C2orf15: variants seen among roughly 807,000 people sequenced by gnomAD.
The protein encoded by C2orf15 is uncharacterized protein C2orf15.
A neutral mutation model predicts 4.4 loss-of-function variants in C2orf15; 3 were observed. That is an observed-to-expected ratio of 0.67 (90% CI 0.31 to 1.74). C2orf15 has a LOEUF of 1.74. Among genes scored for constraint, C2orf15 ranks in the 40% most tolerant of loss-of-function variants. The pLI, the probability that C2orf15 is intolerant of heterozygous loss-of-function variation, is 0.09. For synonymous variants in C2orf15, 37 were observed against 36.8 expected, an observed-to-expected ratio of 1.00 and a Z score of -0.02; for missense variants, 90 against 103.3, an observed-to-expected ratio of 0.87 and a Z score of 0.56.
chr2:99,143,457 A>G (rs1574751894), intron 2 of C2orf15, among the ~76,000 whole-genome samples: 2 of 135,292 alleles, frequency 1.5e-5, no homozygotes, highest in South Asian at 4.7e-4. Flanking sequence ...CTGCGCCCAG[A>G]CTTTTTTTTT....
chr2:99,148,976 T>C (rs2093660391), intron 3 of C2orf15, among the ~76,000 whole-genome samples: 1 of 151,594 alleles, frequency 6.6e-6, no homozygotes, highest in African/African-American at 2.4e-5. Flanking sequence ...AAATAAAATA[T>C]AGACTGGAAA....
chr2:99,147,645 T>C, intron 3 of C2orf15, 152 bp downstream of exon 3: 3 of 652,246 alleles, frequency 4.6e-6, no homozygotes, highest in Non-Finnish European at 7.5e-6. Flanking sequence ...GTTTTGTGTT[T>C]TTTAAAACGT....
At chr2:99,146,288 T>C (rs759358666) in intron 2 of C2orf15, among the ~76,000 whole-genome samples, 28 of 152,224 alleles carry the variant, frequency 1.8e-4, no homozygotes, top group Non-Finnish European at 2.8e-4. Flanking sequence ...TTCCTCAATC[T>C]GTGAATTATG....
At chr2:99,145,384 C>A (rs995012657) in intron 2 of C2orf15, among the ~76,000 whole-genome samples, 3 of 151,896 alleles carry the variant, frequency 2.0e-5, no homozygotes, top group African/African-American at 7.3e-5. Flanking sequence ...ATGGCAAAAC[C>A]CTGTCTCTCC....
At chr2:99,144,132 T>A (rs2093607046) in intron 2 of C2orf15, among the ~76,000 whole-genome samples, 1 of 152,166 alleles carries the variant, frequency 6.6e-6, no homozygotes, top group Non-Finnish European at 1.5e-5. Flanking sequence ...GCCATTCTCC[T>A]GCCTCAGCCT....
At chr2:99,143,461 T>C (rs2093599151) in intron 2 of C2orf15, among the ~76,000 whole-genome samples, 2 of 150,194 alleles carry the variant, frequency 1.3e-5, no homozygotes, top group Admixed American at 1.3e-4. Context: ...GCCCAGACTT[T>C]TTTTTTTTTT....
At position 99,150,783 on chromosome 2, in the gene C2orf15, A is replaced by G. The variant is rs2093685623; in HGVS notation, c.225A>G (p.Ser75=). Residue 75 remains serine (S), a synonymous_variant, in exon 4 of 4, where the codon TCA becomes TCG. Transcript: ENST00000650052. ...TGSLSGKALG[S]VVYVKESDGL... ...CTCTTTCTGGGAAAGCCTTGGGTTCAGTGGTATATGTCAAAGAAAGTGATG... is the reference window on the plus strand; with the variant it reads ...CTCTTTCTGGGAAAGCCTTGGGTTCGGTGGTATATGTCAAAGAAAGTGATG... The G allele has an allele frequency of 1.2e-6, 2 of 1,611,418 alleles. No homozygotes were observed. Among genetic ancestry groups the G allele is most frequent in the African/African-American group, 2.7e-5 (2 of 74,564 alleles).
In C2orf15 at chr2:99,150,628, C is replaced by G; in HGVS notation, c.70C>G (p.His24Asp). ...ACATATGGATTCAAAAGTGGATGAT[C>G]ACTTAATACGAGGGACTGAAAAAAG... Reference protein sequence around the residue: ...AIHMDSKVDDHLIRGTEKSRL... With the variant: ...AIHMDSKVDDDLIRGTEKSRL... Residue 24 changes from histidine (H) to aspartate (D), a missense_variant, in exon 4 of 4, where the codon CAC becomes GAC. Physicochemically the swap from His to Asp is moderately conservative, Grantham distance 81. Coordinates refer to ENST00000650052, the MANE Select transcript of C2orf15 (RefSeq NM_144706.4). 6.2e-7 allele frequency: 1 copy of G among 1,613,952 alleles called. No individual in the cohort carries two copies. Among genetic ancestry groups the G allele is most frequent in the African/African-American group, 1.3e-5 (1 of 74,992 alleles).
In C2orf15 at chr2:99,150,794, T is replaced by C. The variant is rs1330456657; in HGVS notation, c.236T>C (p.Val79Ala). ...SGKALGSVVY[V>A]KESDGLEMTD... ...AAAGCCTTGGGTTCAGTGGTATATG[T>C]CAAAGAAAGTGATGGACTAGAAATG... The change falls in exon 4 of 4, where the codon GTC (valine) becomes GCC (alanine). Residue 79 changes from valine (V) to alanine (A), a missense_variant. Transcript: ENST00000650052. 6.2e-7 allele frequency: 1 copy of C among 1,602,108 alleles called. No homozygotes were observed. The highest frequency in any genetic ancestry group is 8.5e-7 in the Non-Finnish European group (1 of 1,176,724).
chr2:99,146,035 C>G (rs1303014896), intron 2 of C2orf15, among the ~76,000 whole-genome samples: 1 of 152,070 alleles, frequency 6.6e-6, no homozygotes, highest in Non-Finnish European at 1.5e-5. Context: ...GTAATCCAAG[C>G]ACTTTAGGAG....
chr2:99,146,214 G>A (rs1003079741), intron 2 of C2orf15, among the ~76,000 whole-genome samples: 1 of 152,178 alleles, frequency 6.6e-6, no homozygotes, highest in Non-Finnish European at 1.5e-5. Context: ...ACCCAGAAAG[G>A]CGGAGGTTGC....
chr2:99,143,048 C>T (rs2093588901), intron 2 of C2orf15, among the ~76,000 whole-genome samples: 1 of 151,542 alleles, frequency 6.6e-6, no homozygotes, highest in Non-Finnish European at 1.5e-5. Flanking sequence ...TGTTGACTTT[C>T]TCCCCTAACC....
chr2:99,146,389 A>G (rs2093632222), intron 2 of C2orf15, among the ~76,000 whole-genome samples: 1 of 152,082 alleles, frequency 6.6e-6, no homozygotes, highest in Non-Finnish European at 1.5e-5. Context: ...ATTAAATACC[A>G]TCAGCTTTGG....
chr2:99,146,011 C>T (rs747342466), intron 2 of C2orf15, among the ~76,000 whole-genome samples: 3 of 152,020 alleles, frequency 2.0e-5, no homozygotes, highest in Non-Finnish European at 2.9e-5. Context: ...TGGCCAGGTA[C>T]GGTGGCTCAT....
At chr2:99,149,525 C>T (rs1253780541) in intron 3 of C2orf15, among the ~76,000 whole-genome samples, 4 of 151,020 alleles carry the variant, frequency 2.6e-5, no homozygotes, top group Non-Finnish European at 5.9e-5. Context: ...TCACTGCAAC[C>T]TCAGCCTCCC....
At position 99,151,026 on chromosome 2, in the gene C2orf15, G is replaced by GA; in HGVS notation, c.*197dup. The GA allele has an allele frequency of 2.2e-6, 1 of 445,892 alleles. No homozygotes were observed. Among genetic ancestry groups the GA allele is most frequent in the Non-Finnish European group, 4.0e-6 (1 of 248,424 alleles). 27.6% of individuals were successfully genotyped at this position (445,892 alleles called of 1,614,324 possible). A position where few individuals can be genotyped will look rare whatever the true frequency, so the allele number is the denominator to read the frequency against. On this transcript the variant is annotated 3_prime_UTR_variant, in exon 4 of 4. Transcript: ENST00000650052. Reference sequence around the variant, plus strand: ...ATTCAAAAGGCAGTTGCTTTAGGGTGAAAAAGCCTTCCAAGATTCAAAGCA... The same window carrying GA: ...ATTCAAAAGGCAGTTGCTTTAGGGTGAAAAAAGCCTTCCAAGATTCAAAGCA...
At chr2:99,148,123 T>C (rs541991008) in intron 3 of C2orf15, 17 of 152,360 alleles carry the variant, frequency 1.1e-4, no homozygotes, top group African/African-American at 4.1e-4. Flanking sequence ...GTGTCTTTCA[T>C]AACATTGACA....
intron 2 of C2orf15, among the ~76,000 whole-genome samples, chr2:99,145,563 G>GAAA (rs58490482): frequency 9.6e-5 from 14 of 145,282 alleles, no homozygotes; most frequent in South Asian, 2.2e-4. Flanking sequence ...GTCCCAAAAA[G>GAAA]AAAAAAAAAA....
chr2:99,143,133 C>CTTT (rs10605521), intron 2 of C2orf15, among the ~76,000 whole-genome samples: 17 of 82,204 alleles, frequency 2.1e-4, no homozygotes, highest in African/African-American at 3.2e-4. Flanking sequence ...CCAACTAAAC[C>CTTT]TTTTTTTTTT....
Sources: gnomAD v4.1 joint callset for allele counts (sites outside exome capture counted in the v4.1 genomes callset) on GRCh38, gnomAD v4.1.1 for gene constraint, MANE v1.5 for transcripts, NCBI Gene and HGNC (gene_info 2026-07-23, HGNC 2026-07-21) for gene names.